TTLL5: variants seen among roughly 807,000 people sequenced by gnomAD.
The protein encoded by TTLL5 is tubulin polyglutamylase TTLL5.
TTLL5 carries 132 observed loss-of-function variants against 168.4 expected under a neutral mutation model. The ratio of observed to expected loss-of-function variants is 0.78; its 90% CI spans 0.68 to 0.91. The LOEUF is 0.91. Among genes scored for constraint, TTLL5 ranks in the 40% least tolerant of loss-of-function variants. The pLI, the probability that TTLL5 is intolerant of heterozygous loss-of-function variation, is 0.00. For synonymous variants in TTLL5, 546 were observed against 558.6 expected, an observed-to-expected ratio of 0.98 and a Z score of 0.32; for missense variants, 1,545 against 1,581.5, an observed-to-expected ratio of 0.98 and a Z score of 0.39.
At chr14:75,848,577 T>C (rs1251251654) in intron 28 of TTLL5, among the ~76,000 whole-genome samples, 1 of 152,252 alleles carries the variant, frequency 6.6e-6, no homozygotes, top group East Asian at 1.9e-4. Flanking sequence ...CTCCTTTGGC[T>C]TTCTTAAAGG....
At chr14:75,890,115 A>G (rs1595215315) in intron 30 of TTLL5, among the ~76,000 whole-genome samples, 1 of 152,342 alleles carries the variant, frequency 6.6e-6, no homozygotes, top group East Asian at 1.9e-4. Context: ...AAGACCCATG[A>G]GGACTTCCCT....
intron 27 of TTLL5, among the ~76,000 whole-genome samples, chr14:75,816,974 AT>A (rs35736530): frequency 2.3e-3 from 224 of 96,086 alleles, no homozygotes; most frequent in Middle Eastern, 8.1e-3. Context: ...TCCCTGTCTT[AT>A]TTTTTTTTTT....
At chr14:75,773,957 A>AG (rs1891536422) in intron 21 of TTLL5, among the ~76,000 whole-genome samples, 31 of 43,328 alleles carry the variant, frequency 7.2e-4, no homozygotes, top group East Asian at 1.3e-3. Flanking sequence ...GAGAGAGAGA[A>AG]AGAGAGAGAG....
intron 12 of TTLL5, among the ~76,000 whole-genome samples, chr14:75,726,672 CA>C (rs1888202477): frequency 6.6e-6 from 1 of 152,052 alleles, no homozygotes; most frequent in South Asian, 2.1e-4. Flanking sequence ...AGTGTCATGA[CA>C]GGATGTGATA....
chr14:75,713,538 C>A (rs1285484159), intron 9 of TTLL5, among the ~76,000 whole-genome samples: 1 of 152,116 alleles, frequency 6.6e-6, no homozygotes, highest in Non-Finnish European at 1.5e-5. Flanking sequence ...TCCTGGGGTA[C>A]CTAGTAAATA....
At chr14:75,926,958 A>G (rs1431195791) in intron 31 of TTLL5, among the ~76,000 whole-genome samples, 1 of 152,262 alleles carries the variant, frequency 6.6e-6, no homozygotes, top group Non-Finnish European at 1.5e-5. Context: ...CAGTGTATAT[A>G]TACAGATTGC....
intron 27 of TTLL5, among the ~76,000 whole-genome samples, chr14:75,809,118 G>T (rs1343980786): frequency 6.6e-6 from 1 of 151,794 alleles, no homozygotes; most frequent in Non-Finnish European, 1.5e-5. Context: ...AACCTTTTTG[G>T]ATTCAGAAGT....
intron 27 of TTLL5, among the ~76,000 whole-genome samples, chr14:75,819,742 G>A (rs752132411): frequency 1.2e-4 from 19 of 152,156 alleles, no homozygotes; most frequent in Non-Finnish European, 2.2e-4. Context: ...ATCCGTCTTT[G>A]TTTTTCATAG....
chr14:75,832,751 C>T (rs1303661034), intron 28 of TTLL5, among the ~76,000 whole-genome samples: 1 of 152,186 alleles, frequency 6.6e-6, no homozygotes, highest in Admixed American at 6.5e-5. Flanking sequence ...TGAGGTAAAT[C>T]ACCAGTTTAG....
rs147593414 is a variant in TTLL5, at chr14:75,719,826, G to T, written c.934G>T (p.Ala312Ser). ...YLKQEGRDTTALMAHVEDLII... is the reference protein window; with the variant it reads ...YLKQEGRDTTSLMAHVEDLII... ...GAAACAAGAAGGCAGAGATACAACC[G>T]GTGAGTACTGGGCCTTTTTCCTTCT... is the stretch of plus-strand genomic sequence containing the variant. The change falls in exon 11 of 32, where the codon GCA (alanine) becomes TCA (serine). Residue 312 changes from alanine to serine, a missense_variant and splice_region_variant. By Grantham distance (99) the Ala-to-Ser change is moderately conservative (BLOSUM62 1). Transcript: ENST00000298832. 4 of 1,613,554 alleles carry T rather than the reference G, an allele frequency of 2.5e-6. No homozygotes were observed. In the East Asian group the frequency reaches 8.9e-5, roughly 36 times the overall value.
intron 27 of TTLL5, among the ~76,000 whole-genome samples, chr14:75,812,986 C>T (rs538115932): frequency 6.6e-6 from 1 of 152,214 alleles, no homozygotes; most frequent in Admixed American, 6.5e-5. Flanking sequence ...TGGTACAAGG[C>T]AGTGAGATAA....
intron 27 of TTLL5, among the ~76,000 whole-genome samples, chr14:75,808,013 A>ACAAAACTCAG (rs1893757182): frequency 6.6e-6 from 1 of 152,214 alleles, no homozygotes. Flanking sequence ...CTTCGACCAG[A>ACAAAACTCAG]CAAAACTCAG....
At chr14:75,851,074 T>TGACA (rs1289872117) in intron 28 of TTLL5, among the ~76,000 whole-genome samples, 1 of 121,344 alleles carries the variant, frequency 8.2e-6, no homozygotes, top group African/African-American at 3.3e-5. Context: ...TCGGCCTGAG[T>TGACA]GACAGAGTGA....
intron 12 of TTLL5, among the ~76,000 whole-genome samples, chr14:75,724,296 T>C (rs560156472): frequency 2.0e-5 from 3 of 152,324 alleles, no homozygotes; most frequent in Admixed American, 1.3e-4. Context: ...CCATCCTATT[T>C]ATTTATACAT....
At chr14:75,846,143 G>T (rs1896529936) in intron 28 of TTLL5, among the ~76,000 whole-genome samples, 3 of 152,178 alleles carry the variant, frequency 2.0e-5, no homozygotes. Flanking sequence ...ATCAATATAT[G>T]ACTTGTATAA....
chr14:75,842,584 A>G (rs1391248184), intron 28 of TTLL5, among the ~76,000 whole-genome samples: 1 of 152,202 alleles, frequency 6.6e-6, no homozygotes, highest in Non-Finnish European at 1.5e-5. Context: ...TTCCTAAGTA[A>G]TGAATAACCA....
intron 3 of TTLL5, among the ~76,000 whole-genome samples, chr14:75,676,649 G>T (rs1884178222): frequency 6.6e-6 from 1 of 152,134 alleles, no homozygotes; most frequent in African/African-American, 2.4e-5. Context: ...ATTAGAAGTG[G>T]CTTGTCACTG....
At chr14:75,880,061 C>CCTAGCTA (rs1309503524) in intron 29 of TTLL5, among the ~76,000 whole-genome samples, 1 of 152,096 alleles carries the variant, frequency 6.6e-6, no homozygotes, top group Non-Finnish European at 1.5e-5. Flanking sequence ...TGCCTTGACC[C>CCTAGCTA]CTAGCTAACC....
At position 75,690,327 on chromosome 14, in the gene TTLL5, G is replaced by C. The variant is rs769591919; in HGVS notation, c.502+5G>C. On this transcript the variant is annotated splice_donor_5th_base_variant and intron_variant, in intron 6 of 31. Transcript: ENST00000298832. ...CTGAGTACGCGGAATTTTGTAGTAAGTGCTTGACAGAGAATGCCCCAGTCC... is the reference window on the plus strand; with the variant it reads ...CTGAGTACGCGGAATTTTGTAGTAACTGCTTGACAGAGAATGCCCCAGTCC... The C allele has an allele frequency of 2.5e-6, 4 of 1,598,916 alleles. No homozygotes were observed. In the East Asian group the frequency reaches 9.0e-5, roughly 36 times the overall value.
Sources: gnomAD v4.1 joint callset for allele counts (sites outside exome capture counted in the v4.1 genomes callset) on GRCh38, gnomAD v4.1.1 for gene constraint, MANE v1.5 for transcripts, NCBI Gene and HGNC (gene_info 2026-07-23, HGNC 2026-07-21) for gene names.